FAF2: variants seen among roughly 807,000 people sequenced by gnomAD.
FAF2 encodes the protein FAS-associated factor 2.
Under a neutral mutation model 62.3 loss-of-function variants are expected in FAF2, and 9 were observed. That is an observed-to-expected ratio of 0.14 (90% CI 0.09 to 0.25). The LOEUF (loss-of-function observed/expected upper bound fraction) is 0.25, where lower values mean the gene tolerates loss of function less well. Ranked by LOEUF, FAF2 falls within the 10% of genes least tolerant of loss-of-function variation. FAF2 has a pLI of 1.00. For synonymous variants in FAF2, 202 were observed against 198.0 expected, an observed-to-expected ratio of 1.02 and a Z score of -0.17; for missense variants, 368 against 556.2, an observed-to-expected ratio of 0.66 and a Z score of 3.40.
chr5:176,469,756 C>A (rs1159311124), intron 1 of FAF2, among the ~76,000 whole-genome samples: 1 of 152,148 alleles, frequency 6.6e-6, no homozygotes, highest in Admixed American at 6.6e-5. Context: ...AAATTGGAAG[C>A]AGCCGTAACA....
At chr5:176,496,341 C>T (rs904496515) in intron 7 of FAF2, 145 bp from the exon 8 acceptor site, 33 of 558,190 alleles carry the variant, frequency 5.9e-5, no homozygotes, top group African/African-American at 5.0e-4. Context: ...AACTAGGAGG[C>T]GGGGAAAAAG....
At chr5:176,502,977 G>A (rs1319387364) in intron 10 of FAF2, among the ~76,000 whole-genome samples, 1 of 152,050 alleles carries the variant, frequency 6.6e-6, no homozygotes, top group Admixed American at 6.6e-5. Flanking sequence ...GAACCCGGGA[G>A]GCAGTGGTTG....
chr5:176,457,008 G>T (rs1026919903), intron 1 of FAF2, among the ~76,000 whole-genome samples: 1 of 152,074 alleles, frequency 6.6e-6, no homozygotes, highest in Non-Finnish European at 1.5e-5. Flanking sequence ...TTCAAAATGC[G>T]TTATTTTTTC....
At chr5:176,495,571 G>A (rs1759045403) in intron 7 of FAF2, among the ~76,000 whole-genome samples, 2 of 150,538 alleles carry the variant, frequency 1.3e-5, no homozygotes, top group South Asian at 4.2e-4. Flanking sequence ...GAGTGCAGTG[G>A]TGCGATCTCA....
intron 1 of FAF2, among the ~76,000 whole-genome samples, chr5:176,452,189 C>G (rs1387282471): frequency 1.3e-5 from 2 of 151,756 alleles, no homozygotes; most frequent in African/African-American, 4.8e-5. Context: ...TCCTGAGTAG[C>G]TGGGATTACA....
At chr5:176,464,973 C>T (rs556621006) in intron 1 of FAF2, among the ~76,000 whole-genome samples, 64 of 152,252 alleles carry the variant, frequency 4.2e-4, no homozygotes, top group Non-Finnish European at 7.6e-4. Context: ...CTGCAACCTC[C>T]GCCTTCCAGG....
chr5:176,480,801 G>T (rs1395347797), intron 2 of FAF2, among the ~76,000 whole-genome samples: 1 of 150,364 alleles, frequency 6.7e-6, no homozygotes, highest in African/African-American at 2.4e-5. Flanking sequence ...GGCCTCTCGG[G>T]GGGTGGGGGG....
At chr5:176,486,292 A>G in intron 2 of FAF2, 63 bp from the exon 3 acceptor site, 1 of 1,599,546 alleles carries the variant, frequency 6.3e-7, no homozygotes, top group Admixed American at 1.7e-5. Flanking sequence ...TAGTTGCCTC[A>G]CCTCTTGTTG....
chr5:176,496,732 T>A, intron 8 of FAF2, 69 bp downstream of exon 8: 1 of 1,252,916 alleles, frequency 8.0e-7, no homozygotes. Flanking sequence ...CCTCTGGGGC[T>A]CTACCAATCC....
In FAF2 at chr5:176,504,599, T is replaced by A. The variant is rs968639324; in HGVS notation, c.1156-2169T>A. Among the ~76,000 whole-genome samples, 3 of 151,892 alleles carry A rather than the reference T, an allele frequency of 2.0e-5. 1 individual carries two copies. The highest frequency in any genetic ancestry group is 7.2e-5 in the African/African-American group (3 of 41,452). On this transcript the variant is annotated intron_variant, in intron 10 of 10. Coordinates refer to ENST00000261942, the MANE Select transcript of FAF2 (RefSeq NM_014613.3). ...ACTCCATCTCAAAAAAAAAAGGTAT[T>A]TTTTTCACTCATATTGGTTTCATAC...
Position 176,506,851 on chromosome 5 carries a change from C to G in FAF2, c.1239C>G (p.Pro413=), listed in dbSNP as rs1314874139. 6.2e-7 allele frequency: 1 copy of G among 1,614,006 alleles called. No homozygotes were observed. The change falls in exon 11 of 11, where the codon CCC becomes CCG. Residue 413 remains proline, a synonymous_variant. Coordinates refer to ENST00000261942, the MANE Select transcript of FAF2 (RefSeq NM_014613.3). The part of the protein sequence containing the change: ...IEANFPRRVL[P]CIPSEEWPNP... ...CCAATTTTCCCAGGCGAGTGCTGCCCTGCATCCCTTCAGAGGAGTGGCCCA... is the reference window on the plus strand; with the variant it reads ...CCAATTTTCCCAGGCGAGTGCTGCCGTGCATCCCTTCAGAGGAGTGGCCCA...
At chr5:176,504,470 G>A (rs1481215848) in intron 10 of FAF2, among the ~76,000 whole-genome samples, 3 of 152,088 alleles carry the variant, frequency 2.0e-5, no homozygotes, top group South Asian at 4.1e-4. Context: ...TGTAGTCACT[G>A]CTGCTTGGGA....
At chr5:176,485,732 T>G (rs1758863755) in intron 2 of FAF2, among the ~76,000 whole-genome samples, 1 of 152,204 alleles carries the variant, frequency 6.6e-6, no homozygotes. Flanking sequence ...TTTTTCTTCT[T>G]TATTTTTTAT....
Position 176,494,261 on chromosome 5 carries a change from C to G in FAF2, c.647C>G (p.Pro216Arg). The G allele has an allele frequency of 6.2e-7, 1 of 1,613,276 alleles. No homozygotes were observed. The highest frequency in any genetic ancestry group is 8.5e-7 in the Non-Finnish European group (1 of 1,179,528). ...TTCTGGGCATGCTCTACAAACAAAC[C>G]TGAGGGATACAGGGGTAAGTTATGT... ...MLFWACSTNK[P>R]EGYRVSQALR... Residue 216 changes from proline to arginine, a missense_variant, in exon 7 of 11, where the codon CCT (proline) becomes CGT (arginine). By Grantham distance (103) the Pro-to-Arg change is moderately radical (BLOSUM62 -2). Around this residue, in one of 2 missense-constraint regions of FAF2, gnomAD observed 331 missense variants for 441.9 expected, o/e 0.75. Coordinates refer to ENST00000261942, the MANE Select transcript of FAF2 (RefSeq NM_014613.3). This position sits in a 1 kb window ranked among gnomAD's most constrained non-coding sequence, Gnocchi z 4.0.
chr5:176,496,444 A>G, intron 7 of FAF2, 42 bp from the exon 8 acceptor site: 1 of 1,458,240 alleles, frequency 6.9e-7, no homozygotes, highest in Non-Finnish European at 9.1e-7. Flanking sequence ...GATCTTTTTC[A>G]CCGTCAAGTC....
chr5:176,460,868 C>T (rs1000982543), intron 1 of FAF2, among the ~76,000 whole-genome samples: 1 of 152,036 alleles, frequency 6.6e-6, no homozygotes, highest in African/African-American at 2.4e-5. Flanking sequence ...GGGAGGATCA[C>T]TTGAACCTGG....
intron 1 of FAF2, among the ~76,000 whole-genome samples, chr5:176,459,546 G>A (rs191575339): frequency 9.1e-4 from 138 of 152,096 alleles, no homozygotes; most frequent in Non-Finnish European, 1.7e-3. Context: ...TGTTTTTTGA[G>A]CATTGAAAGT....
chr5:176,474,458 C>G (rs555773485), intron 1 of FAF2, among the ~76,000 whole-genome samples: 2 of 152,288 alleles, frequency 1.3e-5, no homozygotes, highest in East Asian at 1.9e-4. Flanking sequence ...CCCCCTTCCC[C>G]CTTTGGTGAG....
chr5:176,485,139 C>A (rs548796556), intron 2 of FAF2, among the ~76,000 whole-genome samples: 1 of 152,154 alleles, frequency 6.6e-6, no homozygotes, highest in Non-Finnish European at 1.5e-5. Flanking sequence ...TGACAGCATT[C>A]AAGTTCGGTA....
Sources: allele counts gnomAD v4.1 joint callset (sites outside exome capture counted in the v4.1 genomes callset), GRCh38; gene constraint gnomAD v4.1.1; regional missense constraint gnomAD v4.1.1; non-coding constraint Gnocchi (gnomAD v3.1); transcripts MANE v1.5; gene names NCBI Gene and HGNC (gene_info 2026-07-23, HGNC 2026-07-21).